Variants in CAMK1G observed in about 807,000 individuals in gnomAD.
CAMK1G encodes the protein calcium/calmodulin dependent protein kinase IG, also known as calcium/calmodulin-dependent protein kinase type 1G.
A neutral mutation model predicts 54.8 loss-of-function variants in CAMK1G; 27 were observed. That is an observed-to-expected ratio of 0.49 (90% CI 0.36 to 0.68). The LOEUF is 0.68. Ranked by LOEUF, CAMK1G falls within the 30% of genes least tolerant of loss-of-function variation. The probability of loss-of-function intolerance (pLI) is 0.00; values close to 1 mark genes in which losing one functional copy is unlikely to be tolerated. For synonymous variants in CAMK1G, 238 were observed against 224.9 expected, an observed-to-expected ratio of 1.06 and a Z score of -0.52; for missense variants, 512 against 591.0, an observed-to-expected ratio of 0.87 and a Z score of 1.39.
chr1:209,600,258 C>A, intron 3 of CAMK1G, 147 bp downstream of exon 3: 1 of 968,066 alleles, frequency 1.0e-6, no homozygotes, highest in Non-Finnish European at 1.5e-6. Context: ...AGTCAATTAG[C>A]TAAGTTTAGT....
chr1:209,611,774 G>T lies in CAMK1G; in HGVS notation c.916-18G>T, dbSNP rs1377623942. The T allele has an allele frequency of 1.2e-6, 2 of 1,610,392 alleles. No individual in the cohort carries two copies. Among genetic ancestry groups the T allele is most frequent in the Admixed American group, 3.3e-5 (2 of 59,848 alleles). ...CTGAGGTTGCAGAAGGCCAGAGGCT[G>T]CTCTTGTGTCTCCTTAGCAAGCCTT... On this transcript the variant is annotated intron_variant, in intron 10 of 12. Transcript: ENST00000361322.
intron 1 of CAMK1G, among the ~76,000 whole-genome samples, chr1:209,585,762 G>A (rs1165050891): frequency 6.6e-6 from 1 of 152,246 alleles, no homozygotes; most frequent in Non-Finnish European, 1.5e-5. Flanking sequence ...ACGCACACAG[G>A]GCCAGAAATA....
intron 1 of CAMK1G, among the ~76,000 whole-genome samples, chr1:209,589,997 C>T (rs547412174): frequency 2.8e-4 from 43 of 152,214 alleles, no homozygotes; most frequent in Non-Finnish European, 5.6e-4. Flanking sequence ...AAGCCGACAT[C>T]CTCCAAGTCT....
intron 1 of CAMK1G, among the ~76,000 whole-genome samples, chr1:209,586,427 T>C (rs1665103126): frequency 6.6e-6 from 1 of 152,156 alleles, no homozygotes; most frequent in Non-Finnish European, 1.5e-5. Flanking sequence ...GGCTATGATG[T>C]ACGAAAAATC....
chr1:209,593,732 C>A (rs539866550), intron 1 of CAMK1G, among the ~76,000 whole-genome samples: 3 of 152,286 alleles, frequency 2.0e-5, no homozygotes, highest in East Asian at 3.9e-4. Flanking sequence ...CCATCTGGCC[C>A]GAGCCACCAT....
chr1:209,593,186 G>A (rs1449115584), intron 1 of CAMK1G, among the ~76,000 whole-genome samples: 2 of 152,192 alleles, frequency 1.3e-5, no homozygotes, highest in Non-Finnish European at 2.9e-5. Flanking sequence ...GGTAGGATTT[G>A]AACTCAGGTT....
At chr1:209,590,347 G>T (rs1244755805) in intron 1 of CAMK1G, among the ~76,000 whole-genome samples, 2 of 152,122 alleles carry the variant, frequency 1.3e-5, no homozygotes, top group East Asian at 3.9e-4. Flanking sequence ...GATCACTCTG[G>T]TTACAGAGGG....
chr1:209,607,693 C>T, intron 6 of CAMK1G, 165 bp from the exon 7 acceptor site: 1 of 604,446 alleles, frequency 1.7e-6, no homozygotes, highest in Non-Finnish European at 3.0e-6. Flanking sequence ...ATTTAGTCTT[C>T]CCAGAAGAGA....
chr1:209,611,630 C>A (rs915476393), intron 10 of CAMK1G, 78 bp downstream of exon 10: 10 of 1,494,986 alleles, frequency 6.7e-6, no homozygotes, highest in Non-Finnish European at 9.2e-6. Flanking sequence ...GACATAAGGG[C>A]TTTCCTTGGG....
chr1:209,611,944 C>A lies in CAMK1G; in HGVS notation c.1068C>A (p.Thr356=). 6.2e-7 allele frequency: 1 copy of A among 1,614,266 alleles called. No individual in the cohort carries two copies. The highest frequency in any genetic ancestry group is 1.1e-5 in the South Asian group (1 of 91,088). The change falls in exon 11 of 13, where the codon ACC becomes ACA. Residue 356 remains threonine (T), a synonymous_variant. Transcript: ENST00000361322. The part of the protein sequence containing the change: ...SRPSSPEITI[T]EAPVLDHSVA... ...CCAGCTCCCCTGAGATCACCATCAC[C>A]GAGGCACCTGTCCTGGACCACAGTG...
At position 209,609,824 on chromosome 1, in the gene CAMK1G, C is replaced by T. The variant is rs573878918; in HGVS notation, c.749-27C>T. 17 of 1,612,248 alleles carry T rather than the reference C, an allele frequency of 1.1e-5. 1 individual carries two copies. Among genetic ancestry groups the T allele is most frequent in the East Asian group, 2.2e-5 (1 of 44,888 alleles). The stretch of plus-strand genomic sequence containing the variant: ...TCAGTCATGAAATCTGGTCCTTAGT[C>T]GTCGTGTCTTTGATTACTCCCCTTA... On this transcript the variant is annotated intron_variant, in intron 8 of 12. Coordinates refer to ENST00000361322, the MANE Select transcript of CAMK1G (RefSeq NM_020439.3).
rs762140202 is a variant in CAMK1G at position 209,609,047 on chromosome 1, T to C, written c.703T>C (p.Tyr235His). 5.6e-6 allele frequency: 9 copies of C among 1,614,216 alleles called. No homozygotes were observed. Among genetic ancestry groups the C allele is most frequent in the African/African-American group, 2.7e-5 (2 of 75,060 alleles). The change falls in exon 8 of 13, where the codon TAC becomes CAC. Residue 235 changes from tyrosine (Y) to histidine (H), a missense_variant. Tyr to His is a moderately conservative substitution (Grantham distance 83). Transcript: ENST00000361322. ...SKLFEKIKEGYYEFESPFWDD... is the reference protein window; with the variant it reads ...SKLFEKIKEGHYEFESPFWDD... The stretch of plus-strand genomic sequence containing the variant: ...GCTTTTCGAGAAGATCAAGGAGGGC[T>C]ACTATGAGTTTGAGTCTCCATTCTG...
At chr1:209,596,335 T>C (rs143867189) in intron 2 of CAMK1G, among the ~76,000 whole-genome samples, 158 of 152,246 alleles carry the variant, frequency 1.0e-3, no homozygotes, top group Middle Eastern at 6.8e-3. Context: ...AGAAATGATT[T>C]GCTAAGTGTC....
chr1:209,596,698 C>G (rs973926066), intron 2 of CAMK1G, among the ~76,000 whole-genome samples: 4 of 132,356 alleles, frequency 3.0e-5, no homozygotes, highest in Non-Finnish European at 6.6e-5. Flanking sequence ...CACACACACA[C>G]ACACGTACTG....
chr1:209,593,745 T>C (rs1665313115), intron 1 of CAMK1G, among the ~76,000 whole-genome samples: 1 of 96,210 alleles, frequency 1.0e-5, no homozygotes. Flanking sequence ...GCCACCATCA[T>C]CTCTCTCTTC....
At chr1:209,604,581 G>A (rs1488647138) in intron 4 of CAMK1G, among the ~76,000 whole-genome samples, 2 of 152,180 alleles carry the variant, frequency 1.3e-5, no homozygotes, top group Admixed American at 1.3e-4. Flanking sequence ...CACTAGTTGG[G>A]CATGGATGGC....
At chr1:209,599,458 T>C (rs970911324) in intron 2 of CAMK1G, among the ~76,000 whole-genome samples, 17 of 152,362 alleles carry the variant, frequency 1.1e-4, no homozygotes, top group African/African-American at 3.8e-4. Flanking sequence ...TGTAGATCTG[T>C]AGAGATAGAT....
intron 4 of CAMK1G, among the ~76,000 whole-genome samples, chr1:209,603,612 C>T (rs1665578947): frequency 6.6e-6 from 1 of 152,174 alleles, no homozygotes; most frequent in African/African-American, 2.4e-5. Context: ...TGCCCCACCC[C>T]TCCTCGCCCC....
intron 1 of CAMK1G, among the ~76,000 whole-genome samples, chr1:209,584,963 C>A (rs966933889): frequency 6.6e-6 from 1 of 152,192 alleles, no homozygotes; most frequent in Admixed American, 6.5e-5. Flanking sequence ...ACGATCCCAT[C>A]AGATGGTGTG....
Sources: allele counts gnomAD v4.1 joint callset (sites outside exome capture counted in the v4.1 genomes callset), GRCh38; gene constraint gnomAD v4.1.1; transcripts MANE v1.5; gene names NCBI Gene and HGNC (gene_info 2026-07-23, HGNC 2026-07-21).